Variants in SLC18A1 observed in about 807,000 individuals in gnomAD.
SLC18A1 encodes the protein chromaffin granule amine transporter.
Under a neutral mutation model 53.7 loss-of-function variants are expected in SLC18A1, and 69 were observed. The ratio of observed to expected loss-of-function variants is 1.28; its 90% CI spans 1.06 to 1.57. The LOEUF (loss-of-function observed/expected upper bound fraction) is 1.57. Ranked by LOEUF, SLC18A1 falls within the 40% of genes most tolerant of loss-of-function variation. The pLI, the probability that SLC18A1 is intolerant of heterozygous loss-of-function variation, is 0.00. For synonymous variants in SLC18A1, 320 were observed against 248.1 expected, an observed-to-expected ratio of 1.29 and a Z score of -2.72; for missense variants, 932 against 668.1, an observed-to-expected ratio of 1.40 and a Z score of -4.35.
chr8:20,154,265 C>T (rs1333383932), intron 10 of SLC18A1, among the ~76,000 whole-genome samples: 1 of 152,126 alleles, frequency 6.6e-6, no homozygotes, highest in Admixed American at 6.5e-5. Flanking sequence ...AGGAAAGGAT[C>T]ATTGCAAAAG....
In SLC18A1 at chr8:20,151,850, A is replaced by C. The variant is rs181166458; in HGVS notation, c.1016-1106T>G. 4.6e-5 allele frequency among the ~76,000 whole-genome samples: 7 copies of C among 152,326 alleles called. 1 individual carries two copies. The East Asian group carries it at 1.3e-3, about 29-fold the overall frequency. On this transcript the variant is annotated intron_variant, in intron 10 of 15. Coordinates refer to ENST00000276373, the MANE Select transcript of SLC18A1 (RefSeq NM_003053.4). ...AACAAACTTTGACCATGTGTCAGGT[A>C]TTCTGGGGGCTGGGAATACAGCGGT...
chr8:20,180,919 C>G lies in SLC18A1; in HGVS notation c.46G>C (p.Gly16Arg). 6.2e-7 allele frequency: 1 copy of G among 1,608,764 alleles called. No homozygotes were observed. The highest frequency in any genetic ancestry group is 8.5e-7 in the Non-Finnish European group (1 of 1,177,476). The change falls in exon 2 of 16, where the codon GGG becomes CGG. Residue 16 changes from glycine (G) to arginine (R), a missense_variant. By Grantham distance (125) the Gly-to-Arg change is moderately radical. Transcript: ENST00000276373. ...AGCACCAGCTGCCGGGACGCTCTCC[C>G]CTCCTTCAGCAACCGCTGGGGAGCA... ...LDAPQRLLKE[G>R]RASRQLVLVV...
chr8:20,156,583 C>T (rs1284497123), intron 10 of SLC18A1, among the ~76,000 whole-genome samples: 2 of 152,162 alleles, frequency 1.3e-5, no homozygotes, highest in Non-Finnish European at 2.9e-5. Context: ...AAGGTGTGAG[C>T]TGTTTGCATT....
In SLC18A1 at chr8:20,149,709, G is replaced by C; in HGVS notation, c.1113C>G (p.Ile371Met). 1.9e-6 allele frequency: 3 copies of C among 1,613,084 alleles called. No individual in the cohort carries two copies. The highest frequency in any genetic ancestry group is 2.5e-6 in the Non-Finnish European group (3 of 1,179,800). Residue 371 changes from isoleucine to methionine, a missense_variant, in exon 12 of 16, where the codon ATC becomes ATG. Transcript: ENST00000276373. ...AGCTGGTACCTACTACCAGCATCCC[G>C]ATTAGGGAACACAGCCACCTGGAAG... is the stretch of plus-strand genomic sequence containing the variant. ...NKMGRWLCSL[I>M]GMLVVGTSLL...
chr8:20,145,554 G>A lies in SLC18A1; in HGVS notation c.*209C>T. On this transcript the variant is annotated 3_prime_UTR_variant, in exon 16 of 16. Transcript: ENST00000276373. ...CACTCTGTCTTCCCATAAAAGATGG[G>A]CCACTGCGGCACCAAGGCATAGAGG... 2 of 400,180 alleles carry A rather than the reference G, an allele frequency of 5.0e-6. No homozygotes were observed. The highest frequency in any genetic ancestry group is 1.4e-4 in the South Asian group (2 of 14,070). The allele number at this position is 400,180 out of a possible 1,614,324, so 24.8% of individuals were successfully genotyped here.
chr8:20,150,687 A>G lies in SLC18A1; in HGVS notation c.1073T>C (p.Val358Ala), dbSNP rs2071529908. The G allele has an allele frequency of 1.9e-6, 3 of 1,614,176 alleles. No individual in the cohort carries two copies. The highest frequency in any genetic ancestry group is 2.5e-6 in the Non-Finnish European group (3 of 1,180,014). ...SYLIGTNLFGVLANKMGRWLC... is the reference protein window; with the variant it reads ...SYLIGTNLFGALANKMGRWLC... ...ATACCGACCCATCTTGTTGGCCAAC[A>G]CACCAAAGAGGTTGGTGCCAATGAG... The change falls in exon 11 of 16, where the codon GTG (valine) becomes GCG (alanine). Residue 358 changes from valine to alanine, a missense_variant. Val to Ala is a moderately conservative substitution (Grantham distance 64). Transcript: ENST00000276373.
rs191840289 is a variant in SLC18A1, at chr8:20,161,260, G to T, written c.1015+3609C>A. ...AGGCAAATTCCCTCCAGCTGTGAGC[G>T]TGTGAAATCAAAACAAATTATACTT... is the stretch of plus-strand genomic sequence containing the variant. On this transcript the variant is annotated intron_variant, in intron 10 of 15. Transcript: ENST00000276373. 2.6e-5 allele frequency among the ~76,000 whole-genome samples: 4 copies of T among 152,196 alleles called. No individual in the cohort carries two copies. The East Asian group carries it at 7.7e-4, about 29-fold the overall frequency.
At chr8:20,156,961 G>A (rs1452984579) in intron 10 of SLC18A1, among the ~76,000 whole-genome samples, 1 of 152,196 alleles carries the variant, frequency 6.6e-6, no homozygotes, top group South Asian at 2.1e-4. Context: ...TGTTGGGCAC[G>A]CTGGTAATGG....
At chr8:20,148,117 G>A (rs745481585) in intron 12 of SLC18A1, 47 bp from the exon 13 acceptor site, 21 of 1,554,760 alleles carry the variant, frequency 1.4e-5, no homozygotes, top group Middle Eastern at 1.7e-4. Context: ...GATGGGTCAG[G>A]TGGGAGCAAG....
At position 20,147,738 on chromosome 8, in the gene SLC18A1, A is replaced by G; in HGVS notation, c.1211-16T>C. 2 of 1,611,122 alleles carry G rather than the reference A, an allele frequency of 1.2e-6. No homozygotes were observed. Among genetic ancestry groups the G allele is most frequent in the Non-Finnish European group, 1.7e-6 (2 of 1,179,104 alleles). On this transcript the variant is annotated splice_polypyrimidine_tract_variant and intron_variant, in intron 13 of 15. Transcript: ENST00000276373. ...TCCACCATGCCTGTGGCCAGAGCAA[A>G]CAGGACACAGTCAGCCCCACCCACA...
chr8:20,155,320 G>A (rs576236854), intron 10 of SLC18A1, among the ~76,000 whole-genome samples: 19 of 152,284 alleles, frequency 1.2e-4, no homozygotes, highest in East Asian at 7.7e-4. Context: ...GGAAAATACC[G>A]AGCACCTGTC....
At chr8:20,148,694 C>T (rs1289455736) in intron 12 of SLC18A1, among the ~76,000 whole-genome samples, 1 of 152,188 alleles carries the variant, frequency 6.6e-6, no homozygotes, top group African/African-American at 2.4e-5. Context: ...TTACCTCCCT[C>T]TCTGGGTACC....
Position 20,147,297 on chromosome 8 carries a change from G to A in SLC18A1, c.1425C>T (p.Cys475=). The A allele has an allele frequency of 6.2e-7, 1 of 1,613,006 alleles. No individual in the cohort carries two copies. The highest frequency in any genetic ancestry group is 8.5e-7 in the Non-Finnish European group (1 of 1,179,662). Residue 475 remains cysteine, a synonymous_variant, in exon 15 of 16, where the codon TGC becomes TGT. Transcript: ENST00000276373. The part of the protein sequence containing the change: ...GVINIVYAPL[C]YYLRSPPAKE... ...TTGCCGGGGGGCTCCGCAGGTAGTA[G>A]CAGAGTGGAGCATAGACGATGTTGA...
intron 10 of SLC18A1, among the ~76,000 whole-genome samples, chr8:20,161,755 A>G (rs1040719264): frequency 3.9e-5 from 6 of 152,224 alleles, no homozygotes; most frequent in African/African-American, 1.4e-4. Flanking sequence ...AAGCTGGAGA[A>G]TAATTGCCTT....
intron 4 of SLC18A1, 103 bp downstream of exon 4, chr8:20,178,332 A>G: frequency 2.3e-6 from 2 of 866,102 alleles, no homozygotes; most frequent in South Asian, 1.7e-5. Context: ...GCTTAGTCAG[A>G]TGCCTAATTA....
chr8:20,178,419 G>A lies in SLC18A1; in HGVS notation c.547+16C>T, dbSNP rs201567392. ...GTAATCAGTGAAGGGAAGAAAAGAG[G>A]AAGCAAATTACTTACTAACTGTGGA... On this transcript the variant is annotated intron_variant, in intron 4 of 15. Coordinates refer to ENST00000276373, the MANE Select transcript of SLC18A1 (RefSeq NM_003053.4). 13 of 1,602,152 alleles carry A rather than the reference G, an allele frequency of 8.1e-6. No individual in the cohort carries two copies. In the Admixed American group the frequency reaches 2.2e-4, roughly 27 times the overall value.
In SLC18A1 at chr8:20,179,483, C is replaced by A. The variant is rs1484187149; in HGVS notation, c.126G>T (p.Val42=). 5 of 1,606,308 alleles carry A rather than the reference C, an allele frequency of 3.1e-6. No individual in the cohort carries two copies. In the African/African-American group the frequency reaches 6.7e-5, roughly 21 times the overall value. ...CATATAGGAAGGTGGGCACAATTGG[C>A]ACTGAAAGTCAAAGAGGACAGGTGA... ...LLDNMLFTVV[V]PIVPTFLYDM... The change falls in exon 3 of 16, where the codon GTG becomes GTT. Residue 42 remains valine (V), a splice_region_variant and synonymous_variant. Coordinates refer to ENST00000276373, the MANE Select transcript of SLC18A1 (RefSeq NM_003053.4).
intron 4 of SLC18A1, among the ~76,000 whole-genome samples, chr8:20,178,105 G>T (rs971776700): frequency 5.0e-5 from 7 of 139,632 alleles, no homozygotes; most frequent in Non-Finnish European, 9.2e-5. Flanking sequence ...TTGCTCAAGG[G>T]ATTACTGATG....
intron 9 of SLC18A1, 23 bp downstream of exon 9, chr8:20,165,024 A>G: frequency 6.2e-7 from 1 of 1,613,976 alleles, no homozygotes. Context: ...TCCCCGCCCA[A>G]TGGGAGGTCA....
Sources: allele counts gnomAD v4.1 joint callset (sites outside exome capture counted in the v4.1 genomes callset), GRCh38; gene constraint gnomAD v4.1.1; transcripts MANE v1.5; gene names NCBI Gene and HGNC (gene_info 2026-07-23, HGNC 2026-07-21).